RIMS2: variants seen among roughly 807,000 people sequenced by gnomAD.
The protein encoded by RIMS2 is regulating synaptic membrane exocytosis protein 2.
A neutral mutation model predicts 174.4 loss-of-function variants in RIMS2; 59 were observed. The observed-to-expected ratio is 0.34, with a 90% CI of 0.27 to 0.42. The LOEUF is 0.42. Ranked by LOEUF, RIMS2 falls within the 10% of genes least tolerant of loss-of-function variation. RIMS2 has a pLI of 1.00. For synonymous variants in RIMS2, 606 were observed against 572.5 expected (o/e 1.06, Z -0.84); for missense variants, 1,620 against 1,666.3 (o/e 0.97, Z 0.48).
At chr8:103,989,734 T>C (rs1195567833) in intron 17 of RIMS2, among the ~76,000 whole-genome samples, 1 of 152,196 alleles carries the variant, frequency 6.6e-6, no homozygotes, top group Non-Finnish European at 1.5e-5. Context: ...ACCAAGATGT[T>C]TTATTATTTT....
At chr8:103,754,089 C>G (rs1281172166) in intron 2 of RIMS2, among the ~76,000 whole-genome samples, 1 of 152,206 alleles carries the variant, frequency 6.6e-6, no homozygotes, top group Non-Finnish European at 1.5e-5. Flanking sequence ...TCCCTCTACA[C>G]ACTGCTTTAA....
chr8:103,938,449 AC>A (rs1327570966), intron 13 of RIMS2, among the ~76,000 whole-genome samples: 1 of 151,830 alleles, frequency 6.6e-6, no homozygotes, highest in Non-Finnish European at 1.5e-5. Flanking sequence ...AGAAAGACCC[AC>A]CCCCATAATT....
intron 14 of RIMS2, among the ~76,000 whole-genome samples, chr8:103,950,296 C>A (rs2085033739): frequency 6.6e-6 from 1 of 151,930 alleles, no homozygotes; most frequent in Non-Finnish European, 1.5e-5. Context: ...ACTCTAATAC[C>A]AACAACTAAC....
At chr8:103,721,164 C>T (rs989831219) in intron 2 of RIMS2, among the ~76,000 whole-genome samples, 3 of 152,122 alleles carry the variant, frequency 2.0e-5, no homozygotes. Context: ...GTGCTGGCTC[C>T]CCTTCGCTTT....
At chr8:103,579,919 C>T (rs1159688933) in intron 1 of RIMS2, among the ~76,000 whole-genome samples, 3 of 152,086 alleles carry the variant, frequency 2.0e-5, no homozygotes, top group South Asian at 2.1e-4. Flanking sequence ...AGAGTGAAGA[C>T]GGAGATGCTG....
At chr8:103,853,721 T>G (rs2154494002) in intron 3 of RIMS2, among the ~76,000 whole-genome samples, 1 of 152,278 alleles carries the variant, frequency 6.6e-6, no homozygotes, top group South Asian at 2.1e-4. Flanking sequence ...CTGAGTTTTA[T>G]TTTCTGTTCC....
intron 1 of RIMS2, among the ~76,000 whole-genome samples, chr8:103,631,353 A>C (rs796434907): frequency 1.5e-4 from 23 of 152,342 alleles, no homozygotes; most frequent in African/African-American, 5.1e-4. Flanking sequence ...GCTTATGGCT[A>C]GCCAGTTAAC....
At chr8:103,848,088 C>A (rs2098977364) in intron 3 of RIMS2, among the ~76,000 whole-genome samples, 1 of 151,898 alleles carries the variant, frequency 6.6e-6, no homozygotes, top group South Asian at 2.1e-4. Context: ...TTCCAGCAGC[C>A]CCTGATCAAT....
intron 2 of RIMS2, among the ~76,000 whole-genome samples, chr8:103,751,542 A>G (rs985957140): frequency 6.6e-6 from 1 of 151,640 alleles, no homozygotes; most frequent in Admixed American, 6.6e-5. Flanking sequence ...ACAATGGTTG[A>G]ACTAGTTTAC....
intron 19 of RIMS2, among the ~76,000 whole-genome samples, chr8:104,225,278 A>T (rs897539798): frequency 1.3e-5 from 2 of 152,192 alleles, no homozygotes; most frequent in Non-Finnish European, 2.9e-5. Context: ...CCAAGATGGT[A>T]GGTAATAGAG....
intron 1 of RIMS2, among the ~76,000 whole-genome samples, chr8:103,691,883 G>T (rs2097030299): frequency 6.6e-6 from 1 of 152,120 alleles, no homozygotes; most frequent in Non-Finnish European, 1.5e-5. Context: ...GTATGTCTTA[G>T]ATCAGTGTAG....
At chr8:103,600,419 G>T (rs1369076566) in intron 1 of RIMS2, among the ~76,000 whole-genome samples, 26 of 152,142 alleles carry the variant, frequency 1.7e-4, no homozygotes, top group Non-Finnish European at 4.4e-5. Context: ...ACAGGCATGT[G>T]CCACCATGCC....
At chr8:103,769,889 C>T (rs1047436088) in intron 3 of RIMS2, among the ~76,000 whole-genome samples, 1 of 152,138 alleles carries the variant, frequency 6.6e-6, no homozygotes, top group Admixed American at 6.5e-5. Context: ...CCAATAGCTC[C>T]TTTTGTTCAC....
At chr8:103,997,565 G>T (rs2154551596) in intron 17 of RIMS2, among the ~76,000 whole-genome samples, 1 of 151,744 alleles carries the variant, frequency 6.6e-6, no homozygotes, top group African/African-American at 2.4e-5. Context: ...ATTGCTTATG[G>T]TAGTTATGAG....
At chr8:103,773,897 C>T (rs776312336) in intron 3 of RIMS2, among the ~76,000 whole-genome samples, 4 of 150,822 alleles carry the variant, frequency 2.7e-5, no homozygotes, top group Admixed American at 2.0e-4. Context: ...ATTGTATAAA[C>T]GTGGGAGGCC....
At chr8:103,802,918 A>G (rs2098623515) in intron 3 of RIMS2, among the ~76,000 whole-genome samples, 1 of 152,238 alleles carries the variant, frequency 6.6e-6, no homozygotes, top group African/African-American at 2.4e-5. Flanking sequence ...GCATATTTTT[A>G]ATTTTCCAAG....
At chr8:103,529,234 T>C (rs150133163) in intron 1 of RIMS2, among the ~76,000 whole-genome samples, 4,704 of 145,566 alleles carry the variant, frequency 0.032, 214 homozygotes, top group African/African-American at 0.11. Flanking sequence ...TTTTTGCACA[T>C]TGATTTTTGT....
intron 19 of RIMS2, among the ~76,000 whole-genome samples, chr8:104,069,202 C>A (rs548211803): frequency 6.6e-6 from 1 of 152,188 alleles, no homozygotes; most frequent in East Asian, 1.9e-4. Flanking sequence ...CAACTATAGG[C>A]AAATGTTAAG....
At chr8:103,542,853 G>A (rs889501128) in intron 1 of RIMS2, among the ~76,000 whole-genome samples, 1 of 152,114 alleles carries the variant, frequency 6.6e-6, no homozygotes, top group Admixed American at 6.5e-5. Flanking sequence ...TAAAAAGTTA[G>A]GTAGAGAAAG....
Sources: allele counts gnomAD v4.1 joint callset (sites outside exome capture counted in the v4.1 genomes callset), GRCh38; gene constraint gnomAD v4.1.1; transcripts MANE v1.5; gene names NCBI Gene and HGNC (gene_info 2026-07-23, HGNC 2026-07-21).